Variants in KANSL1 observed in about 807,000 individuals in gnomAD.
KANSL1 encodes KAT8 regulatory NSL complex subunit 1, also known as MLL1/MLL complex subunit KANSL1.
Under a neutral mutation model 103.6 loss-of-function variants are expected in KANSL1, and 22 were observed. The observed-to-expected ratio is 0.21, with a 90% CI of 0.15 to 0.30. The LOEUF (loss-of-function observed/expected upper bound fraction) is 0.30, where lower values mean the gene tolerates loss of function less well. Ranked by LOEUF, KANSL1 falls within the 10% of genes least tolerant of loss-of-function variation. The pLI is 1.00. For synonymous variants in KANSL1, 600 were observed against 527.6 expected (o/e 1.14, Z -1.88); for missense variants, 1,337 against 1,399.8 (o/e 0.96, Z 0.72).
At chr17:46,056,038 G>A (rs1218132992) in intron 6 of KANSL1, among the ~76,000 whole-genome samples, 1 of 152,006 alleles carries the variant, frequency 6.6e-6, no homozygotes, top group Non-Finnish European at 1.5e-5. Context: ...TCGCTCTGTT[G>A]CCCAGGCTAG....
At chr17:46,042,833 C>G (rs555236931) in intron 7 of KANSL1, 2 of 151,468 alleles carry the variant, frequency 1.3e-5, no homozygotes, top group South Asian at 4.2e-4. Flanking sequence ...ATGATTTTTC[C>G]CAGTGGGTAA....
chr17:46,171,725 G>A lies in KANSL1; in HGVS notation c.419C>T (p.Thr140Ile). The change falls in exon 2 of 15, where the codon ACC (threonine) becomes ATC (isoleucine). Residue 140 changes from threonine (T) to isoleucine (I), a missense_variant. By Grantham distance (89) the Thr-to-Ile change is moderately conservative. Coordinates refer to ENST00000432791, the MANE Select transcript of KANSL1 (RefSeq NM_015443.4). ...VLEFSLENLR[T>I]MNTSGQTALP... ...AGCTGTCTGACCACTCGTATTCATG[G>A]TTCTAAGATTTTCTAAGGAAAACTC... 1 of 1,575,122 alleles carries A rather than the reference G, an allele frequency of 6.3e-7. No individual in the cohort carries two copies. The highest frequency in any genetic ancestry group is 1.2e-5 in the South Asian group (1 of 84,970).
At chr17:46,081,588 A>AATAG (rs1223277054) in intron 4 of KANSL1, among the ~76,000 whole-genome samples, 1 of 152,226 alleles carries the variant, frequency 6.6e-6, no homozygotes, top group African/African-American at 2.4e-5. Flanking sequence ...AAACATCTCC[A>AATAG]ATATCTGCCT....
At chr17:46,032,006 C>T in intron 14 of KANSL1, 41 bp downstream of exon 14, 1 of 1,612,682 alleles carries the variant, frequency 6.2e-7, no homozygotes, top group Middle Eastern at 1.8e-4. Context: ...TGGTTCCATC[C>T]CCCAACCATG....
At chr17:46,178,529 C>T (rs1006021716) in intron 1 of KANSL1, among the ~76,000 whole-genome samples, 4 of 152,240 alleles carry the variant, frequency 2.6e-5, no homozygotes, top group African/African-American at 9.7e-5. Flanking sequence ...GCTACACCTG[C>T]TGTCACTCAC....
rs1311082853 is a variant in KANSL1, at chr17:46,192,906, G to C, written c.-173C>G. On this transcript the variant is annotated 5_prime_UTR_variant, in exon 1 of 15. Coordinates refer to ENST00000432791, the MANE Select transcript of KANSL1 (RefSeq NM_015443.4). ...CAAACAGCCCCCCGGCCTGGGCGCCGAGGGCCAGCGGCGGGCGGGGGCGCG... is the reference window on the plus strand; with the variant it reads ...CAAACAGCCCCCCGGCCTGGGCGCCCAGGGCCAGCGGCGGGCGGGGGCGCG... 1 of 152,216 alleles carries C rather than the reference G, an allele frequency of 6.6e-6. No individual in the cohort carries two copies. The highest frequency in any genetic ancestry group is 2.4e-5 in the African/African-American group (1 of 41,348). The allele number at this position is 152,216 out of a possible 1,614,324, so 9.4% of individuals were successfully genotyped here. A position where few individuals can be genotyped will look rare whatever the true frequency, so the allele number is the denominator to read the frequency against.
At chr17:46,220,722 G>C (rs1424562815) in intron 1 of KANSL1, among the ~76,000 whole-genome samples, 4 of 152,122 alleles carry the variant, frequency 2.6e-5, no homozygotes, top group African/African-American at 9.7e-5. Flanking sequence ...AGTCTCGCTT[G>C]GTCAGCCAGG....
At chr17:46,107,484 T>C (rs1031558652) in intron 2 of KANSL1, among the ~76,000 whole-genome samples, 2 of 152,178 alleles carry the variant, frequency 1.3e-5, no homozygotes, top group Non-Finnish European at 1.5e-5. Flanking sequence ...TCAAATACTT[T>C]CTCCACTTCT....
chr17:46,112,119 G>T (rs1016069478), intron 2 of KANSL1, among the ~76,000 whole-genome samples: 3 of 151,994 alleles, frequency 2.0e-5, no homozygotes, highest in African/African-American at 7.3e-5. Context: ...ATAATCCCAG[G>T]GCTTTGGGAG....
intron 7 of KANSL1, chr17:46,040,236 C>T (rs1014141911): frequency 6.5e-5 from 18 of 278,030 alleles, no homozygotes; most frequent in Non-Finnish European, 1.1e-4. Flanking sequence ...TACTTCTTTT[C>T]TATCAATATA....
chr17:46,100,679 GAACA>G (rs1425018184), intron 2 of KANSL1, among the ~76,000 whole-genome samples: 1 of 152,110 alleles, frequency 6.6e-6, no homozygotes, highest in Admixed American at 6.5e-5. Flanking sequence ...GAACCACATG[GAACA>G]CCACATGTTG....
rs556473683 is a variant in KANSL1, at chr17:46,048,299, G to A, written c.2020+2234C>T. Among the ~76,000 whole-genome samples the A allele has an allele frequency of 5.9e-5, 9 of 152,204 alleles. No individual in the cohort carries two copies. The South Asian group carries it at 1.7e-3, about 28-fold the overall frequency. On this transcript the variant is annotated intron_variant, in intron 7 of 14. Coordinates refer to ENST00000432791, the MANE Select transcript of KANSL1 (RefSeq NM_015443.4). ...AAAACACAATAGGGTAGGTGCAGTG[G>A]CTCCTGACTGTAATCCCAGCACTTT...
intron 4 of KANSL1, among the ~76,000 whole-genome samples, chr17:46,073,995 A>ATG (rs1568417978): frequency 6.6e-6 from 1 of 152,056 alleles, no homozygotes; most frequent in East Asian, 1.9e-4. Flanking sequence ...AGAAATATAG[A>ATG]TGTGTGTGTA....
chr17:46,085,685 T>C (rs1311470426), intron 3 of KANSL1, among the ~76,000 whole-genome samples: 1 of 151,930 alleles, frequency 6.6e-6, no homozygotes. Flanking sequence ...AGAGATGGGG[T>C]TTCACCAAGT....
chr17:46,170,831 C>G (rs142454355), intron 2 of KANSL1, 24 bp downstream of exon 2: 4 of 1,551,738 alleles, frequency 2.6e-6, no homozygotes, highest in Non-Finnish European at 3.5e-6. Context: ...CTCAAGAATG[C>G]TATCATGCAT....
intron 1 of KANSL1, among the ~76,000 whole-genome samples, chr17:46,218,554 G>A (rs1291438842): frequency 1.6e-4 from 25 of 152,140 alleles, no homozygotes; most frequent in Non-Finnish European, 1.0e-4. Flanking sequence ...AGGCCAAGGC[G>A]GGTGGATCAC....
At chr17:46,049,843 TA>T (rs2077649416) in intron 7 of KANSL1, 1 of 152,134 alleles carries the variant, frequency 6.6e-6, no homozygotes, top group African/African-American at 2.4e-5. Flanking sequence ...CGTTACCACA[TA>T]AATGCCAGTA....
At chr17:46,192,024 A>G (rs2047356034) in intron 1 of KANSL1, among the ~76,000 whole-genome samples, 1 of 152,086 alleles carries the variant, frequency 6.6e-6, no homozygotes. Context: ...GACCGAGGAA[A>G]AGGAAAGAGA....
At chr17:46,149,336 G>A (rs568195675) in intron 2 of KANSL1, among the ~76,000 whole-genome samples, 1 of 152,248 alleles carries the variant, frequency 6.6e-6, no homozygotes, top group South Asian at 2.1e-4. Flanking sequence ...TCACAATTCT[G>A]GCCTTCATTT....
Sources: gnomAD v4.1 joint callset for allele counts (sites outside exome capture counted in the v4.1 genomes callset) on GRCh38, gnomAD v4.1.1 for gene constraint, MANE v1.5 for transcripts, NCBI Gene and HGNC (gene_info 2026-07-23, HGNC 2026-07-21) for gene names.